The following DOCK5 variants were observed in gnomAD, a reference collection of about 807,000 sequenced individuals.
DOCK5 encodes dedicator of cytokinesis 5.
Under a neutral mutation model 251.8 loss-of-function variants are expected in DOCK5, and 142 were observed. That is an observed-to-expected ratio of 0.56 (90% CI 0.49 to 0.65). The LOEUF (loss-of-function observed/expected upper bound fraction) is 0.65, where lower values mean the gene tolerates loss of function less well. DOCK5 is among the 30% of genes least tolerant of loss of function. The pLI is 0.00. For synonymous variants in DOCK5, 842 were observed against 835.5 expected (o/e 1.01, Z -0.13); for missense variants, 2,111 against 2,312.3 (o/e 0.91, Z 1.79).
chr8:25,262,846 G>A (rs1398993839), intron 2 of DOCK5, among the ~76,000 whole-genome samples: 2 of 149,876 alleles, frequency 1.3e-5, no homozygotes, highest in Non-Finnish European at 3.0e-5. Flanking sequence ...TTGAGACCGA[G>A]TCTGGCTCTG....
chr8:25,383,580 C>A (rs548445345), intron 40 of DOCK5, among the ~76,000 whole-genome samples: 112 of 152,318 alleles, frequency 7.4e-4, no homozygotes, highest in African/African-American at 2.5e-3. Context: ...GCATGTCGGA[C>A]GCAGTGGCTC....
intron 42 of DOCK5, 56 bp downstream of exon 42, chr8:25,390,343 A>G (rs1801236039): frequency 1.4e-6 from 2 of 1,431,256 alleles, no homozygotes; most frequent in African/African-American, 2.9e-5. Flanking sequence ...ACAGTGGCTC[A>G]CATCTATAAT....
intron 4 of DOCK5, among the ~76,000 whole-genome samples, chr8:25,276,434 T>C (rs1250220071): frequency 1.3e-5 from 2 of 152,158 alleles, no homozygotes; most frequent in Non-Finnish European, 2.9e-5. Flanking sequence ...AGTGAGCTAC[T>C]TAGTCTAAGT....
intron 47 of DOCK5, among the ~76,000 whole-genome samples, chr8:25,402,237 C>T (rs547260513): frequency 6.6e-6 from 1 of 152,308 alleles, no homozygotes; most frequent in South Asian, 2.1e-4. Context: ...AAGCCATCCT[C>T]CCACCTCAGC....
In DOCK5 at chr8:25,340,909, T is replaced by A; in HGVS notation, c.2360T>A (p.Phe787Tyr). ...GGGCAGAGCAAAGATGGAGATGAGT[T>A]TAATAATTCAATTCGCCAGTTATTT... ...FYGQSKDGDE[F>Y]NNSIRQLFLA... Residue 787 changes from phenylalanine (F) to tyrosine (Y), a missense_variant, in exon 23 of 52, where the codon TTT (phenylalanine) becomes TAT (tyrosine). Physicochemically the swap from Phe to Tyr is conservative, Grantham distance 22 (BLOSUM62 3). Transcript: ENST00000276440. 6.2e-7 allele frequency: 1 copy of A among 1,613,756 alleles called. No homozygotes were observed. The highest frequency in any genetic ancestry group is 8.5e-7 in the Non-Finnish European group (1 of 1,179,802).
intron 1 of DOCK5, among the ~76,000 whole-genome samples, chr8:25,235,726 G>T (rs1249916084): frequency 6.6e-6 from 1 of 150,754 alleles, no homozygotes; most frequent in East Asian, 1.9e-4. Flanking sequence ...TACCCCTCCA[G>T]TTCAAGATAT....
At chr8:25,345,084 T>C (rs1445237509) in intron 25 of DOCK5, among the ~76,000 whole-genome samples, 3 of 152,146 alleles carry the variant, frequency 2.0e-5, no homozygotes, top group African/African-American at 7.2e-5. Context: ...GTAAATTTTC[T>C]CCATTAGGTG....
At chr8:25,227,003 C>A (rs1802550562) in intron 1 of DOCK5, among the ~76,000 whole-genome samples, 1 of 152,220 alleles carries the variant, frequency 6.6e-6, no homozygotes, top group South Asian at 2.1e-4. Context: ...TGATTTATTT[C>A]ACGTTTCCTT....
At chr8:25,270,819 G>A (rs563583701) in intron 3 of DOCK5, 11 of 712,320 alleles carry the variant, frequency 1.5e-5, no homozygotes, top group Middle Eastern at 2.3e-4. Context: ...CCACAATACC[G>A]AAATCCATGG....
chr8:25,222,123 C>T (rs1179400572), intron 1 of DOCK5, among the ~76,000 whole-genome samples: 2 of 152,170 alleles, frequency 1.3e-5, no homozygotes, highest in South Asian at 2.1e-4. Flanking sequence ...TTCGTGATCT[C>T]GCTTTCTTCA....
intron 3 of DOCK5, chr8:25,271,009 CT>C (rs1232970189): frequency 8.2e-5 from 36 of 436,912 alleles, no homozygotes; most frequent in Admixed American, 3.0e-4. Flanking sequence ...CCTCTGCTTA[CT>C]TTTTTTTTCT....
At chr8:25,321,075 CA>C in intron 16 of DOCK5, 23 bp downstream of exon 16, 1 of 1,604,524 alleles carries the variant, frequency 6.2e-7, no homozygotes, top group Non-Finnish European at 8.5e-7. Context: ...ACGTCTATGA[CA>C]TATTTCCACT....
At chr8:25,262,064 A>G (rs767740498) in intron 2 of DOCK5, among the ~76,000 whole-genome samples, 6 of 152,162 alleles carry the variant, frequency 3.9e-5, no homozygotes, top group African/African-American at 7.2e-5. Context: ...CCAGCTTTTG[A>G]CTATTAAAAA....
intron 5 of DOCK5, among the ~76,000 whole-genome samples, chr8:25,280,270 C>A (rs1038526960): frequency 6.6e-6 from 1 of 152,110 alleles, no homozygotes. Flanking sequence ...CTCCTCTTTT[C>A]TTTATGTGGC....
At chr8:25,215,932 T>TACAC (rs199685009) in intron 1 of DOCK5, among the ~76,000 whole-genome samples, 2,907 of 141,194 alleles carry the variant, frequency 0.021, 45 homozygotes, top group African/African-American at 0.042. Context: ...TGGAAATAAA[T>TACAC]ACACACACAC....
Position 25,239,341 on chromosome 8 carries a change from A to ATGTGTGTGTGTGTG in DOCK5, c.44-4317_44-4304dup, listed in dbSNP as rs55869213. Among the ~76,000 whole-genome samples, 155 of 142,284 alleles carry ATGTGTGTGTGTGTG rather than the reference A, an allele frequency of 1.1e-3. 1 individual carries two copies. The highest frequency in any genetic ancestry group is 7.0e-3 in the Middle Eastern group (2 of 284). The allele number at this position is 142,284 out of a possible 152,430, so 93.3% of individuals were successfully genotyped here. On this transcript the variant is annotated intron_variant, in intron 1 of 51. Coordinates refer to ENST00000276440, the MANE Select transcript of DOCK5 (RefSeq NM_024940.8). The stretch of plus-strand genomic sequence containing the variant: ...TATATGTGTGTGTGTGTGTGTGTGT[A>ATGTGTGTGTGTGTG]TGTGTGTGTGTGTGTGTGTGTGTGT...
At chr8:25,206,521 A>C (rs540894809) in intron 1 of DOCK5, among the ~76,000 whole-genome samples, 14 of 152,322 alleles carry the variant, frequency 9.2e-5, no homozygotes, top group Admixed American at 1.3e-4. Context: ...AACTAGTACA[A>C]GTTTGCTCCA....
intron 18 of DOCK5, among the ~76,000 whole-genome samples, chr8:25,328,443 T>G (rs1257706462): frequency 6.6e-6 from 1 of 152,194 alleles, no homozygotes; most frequent in Non-Finnish European, 1.5e-5. Flanking sequence ...GATTGCAGAT[T>G]ATTCATGCAT....
chr8:25,187,210 A>G (rs1391714262), intron 1 of DOCK5, among the ~76,000 whole-genome samples: 2 of 148,436 alleles, frequency 1.3e-5, no homozygotes, highest in Admixed American at 1.4e-4. Context: ...CAAAAAAAAA[A>G]CTATATATAC....
Sources: gnomAD v4.1 joint callset for allele counts (sites outside exome capture counted in the v4.1 genomes callset) on GRCh38, gnomAD v4.1.1 for gene constraint, MANE v1.5 for transcripts, NCBI Gene and HGNC (gene_info 2026-07-23, HGNC 2026-07-21) for gene names.